Variants in ZBTB20 observed in about 807,000 individuals in gnomAD.
The protein encoded by ZBTB20 is zinc finger and BTB domain containing 20, also known as zinc finger and BTB domain-containing protein 20.
In ZBTB20, 9 loss-of-function variants were observed where a neutral mutation model predicts 56.9. The observed-to-expected ratio is 0.16, with a 90% CI of 0.10 to 0.28. The LOEUF is 0.28. Among genes scored for constraint, ZBTB20 ranks in the 10% least tolerant of loss-of-function variants. The probability of loss-of-function intolerance (pLI) is 1.00; values close to 1 mark genes in which losing one functional copy is unlikely to be tolerated. For missense variants in ZBTB20, 655 were observed against 1,003.0 expected (o/e 0.65, Z 4.69); for synonymous variants, 417 against 420.7 (o/e 0.99, Z 0.11).
chr3:114,967,149 T>C (rs1291752548), intron 3 of ZBTB20, among the ~76,000 whole-genome samples: 1 of 152,188 alleles, frequency 6.6e-6, no homozygotes, highest in Non-Finnish European at 1.5e-5. Flanking sequence ...CTCCATAGTA[T>C]TTTAGATTTA....
intron 11 of ZBTB20, among the ~76,000 whole-genome samples, chr3:114,347,773 T>C (rs2080319047): frequency 6.6e-6 from 1 of 152,240 alleles, no homozygotes; most frequent in South Asian, 2.1e-4. Context: ...GGAAGAGCAT[T>C]ACTTCTTTTA....
chr3:114,393,243 T>C (rs2086044390), intron 7 of ZBTB20, among the ~76,000 whole-genome samples: 14 of 152,178 alleles, frequency 9.2e-5, no homozygotes, highest in Admixed American at 9.2e-4. Flanking sequence ...AACTTACTTC[T>C]CCTTTTGCCC....
intron 2 of ZBTB20, among the ~76,000 whole-genome samples, chr3:115,005,294 T>G (rs1007100929): frequency 3.3e-5 from 5 of 151,860 alleles, no homozygotes; most frequent in Middle Eastern, 3.2e-3. Flanking sequence ...TATTTGTATT[T>G]ATTGTATGTG....
chr3:114,558,153 G>C (rs914122875), intron 6 of ZBTB20, among the ~76,000 whole-genome samples: 2 of 152,034 alleles, frequency 1.3e-5, no homozygotes, highest in Non-Finnish European at 2.9e-5. Flanking sequence ...TGGTGGTAAA[G>C]AATCAGGACA....
chr3:115,023,021 G>A (rs1274791952), intron 2 of ZBTB20, among the ~76,000 whole-genome samples: 3 of 150,928 alleles, frequency 2.0e-5, no homozygotes, highest in Non-Finnish European at 4.5e-5. Flanking sequence ...TGAACAAATA[G>A]TGAGGTAAGG....
At chr3:114,347,634 T>C (rs1336399271) in intron 11 of ZBTB20, among the ~76,000 whole-genome samples, 2 of 152,248 alleles carry the variant, frequency 1.3e-5, no homozygotes, top group Non-Finnish European at 2.9e-5. Context: ...TCCGGCTGTC[T>C]TGCTTTTTGA....
At chr3:114,451,174 C>G (rs2091582739) in intron 7 of ZBTB20, among the ~76,000 whole-genome samples, 1 of 148,708 alleles carries the variant, frequency 6.7e-6, no homozygotes, top group Admixed American at 6.7e-5. Context: ...CGTTCACTAT[C>G]TCTGATGCTT....
At chr3:114,420,231 GAGCTGGGGGTA>G (rs2089013148) in intron 7 of ZBTB20, among the ~76,000 whole-genome samples, 1 of 152,128 alleles carries the variant, frequency 6.6e-6, no homozygotes, top group Non-Finnish European at 1.5e-5. Context: ...AAGCCCAGGA[GAGCTGGGGGTA>G]AGCAGTATGG....
chr3:114,362,132 A>C (rs2081954720), intron 10 of ZBTB20, among the ~76,000 whole-genome samples: 1 of 152,164 alleles, frequency 6.6e-6, no homozygotes. Context: ...TCTTTAGAAA[A>C]ATACGGGAAT....
At chr3:114,585,970 A>G (rs1157697882) in intron 6 of ZBTB20, among the ~76,000 whole-genome samples, 1 of 152,198 alleles carries the variant, frequency 6.6e-6, no homozygotes, top group East Asian at 1.9e-4. Context: ...TTTGTTCCAT[A>G]CTTTCCATCG....
intron 4 of ZBTB20, among the ~76,000 whole-genome samples, chr3:114,840,472 G>A (rs951889230): frequency 6.6e-6 from 1 of 152,200 alleles, no homozygotes; most frequent in African/African-American, 2.4e-5. Context: ...CTGGTTGTCA[G>A]TGGAACCATA....
At chr3:114,384,254 A>G (rs1318092304) in intron 8 of ZBTB20, among the ~76,000 whole-genome samples, 1 of 152,098 alleles carries the variant, frequency 6.6e-6, no homozygotes, top group African/African-American at 2.4e-5. Context: ...CTCCAATGAA[A>G]AAGTTAGACA....
At chr3:114,542,982 C>CA (rs1173120773) in intron 6 of ZBTB20, among the ~76,000 whole-genome samples, 7 of 152,062 alleles carry the variant, frequency 4.6e-5, no homozygotes, top group Non-Finnish European at 1.5e-5. Context: ...TTACTGAAAG[C>CA]AAAAAAATCT....
intron 5 of ZBTB20, among the ~76,000 whole-genome samples, chr3:114,729,788 T>C (rs2065589968): frequency 6.6e-6 from 1 of 151,972 alleles, no homozygotes; most frequent in Non-Finnish European, 1.5e-5. Flanking sequence ...TGATGCTATA[T>C]GTAGGATTTT....
At chr3:114,901,462 T>G (rs1428564951) in intron 3 of ZBTB20, among the ~76,000 whole-genome samples, 1 of 152,144 alleles carries the variant, frequency 6.6e-6, no homozygotes, top group Non-Finnish European at 1.5e-5. Context: ...GAATGTGGAT[T>G]ACAAAAGACT....
At chr3:114,365,585 C>T (rs946085736) in intron 10 of ZBTB20, among the ~76,000 whole-genome samples, 7 of 152,134 alleles carry the variant, frequency 4.6e-5, no homozygotes, top group Middle Eastern at 3.4e-3. Context: ...AAGATTAGAC[C>T]CAGGAAAAAG....
At chr3:114,701,489 C>T (rs1030998303) in intron 5 of ZBTB20, among the ~76,000 whole-genome samples, 2 of 152,110 alleles carry the variant, frequency 1.3e-5, no homozygotes, top group Admixed American at 1.3e-4. Context: ...CCAGAGGAAA[C>T]TGGTATTTAC....
chr3:114,607,050 A>T (rs1287377098), intron 6 of ZBTB20, among the ~76,000 whole-genome samples: 1 of 151,872 alleles, frequency 6.6e-6, no homozygotes, highest in Non-Finnish European at 1.5e-5. Context: ...GTGAGCCGAG[A>T]TCACGCCACT....
intron 6 of ZBTB20, among the ~76,000 whole-genome samples, chr3:114,551,160 C>T (rs1378993433): frequency 6.6e-6 from 1 of 151,932 alleles, no homozygotes; most frequent in South Asian, 2.1e-4. Context: ...GTTTTTTAAT[C>T]GATTAAAAAT....
Sources: allele counts gnomAD v4.1 joint callset (sites outside exome capture counted in the v4.1 genomes callset), GRCh38; gene constraint gnomAD v4.1.1; transcripts MANE v1.5; gene names NCBI Gene and HGNC (gene_info 2026-07-23, HGNC 2026-07-21).